Variants in ACYP2 observed in about 807,000 individuals in gnomAD.
ACYP2 encodes acylphosphatase-2.
ACYP2 carries 12 observed loss-of-function variants against 11.2 expected under a neutral mutation model. The observed-to-expected ratio is 1.08, with a 90% CI of 0.69 to 1.74. The LOEUF (loss-of-function observed/expected upper bound fraction) is 1.74, where lower values mean the gene tolerates loss of function less well. ACYP2 is among the 40% of genes most tolerant of loss of function. The pLI is 0.00. For synonymous variants in ACYP2, 43 were observed against 32.2 expected, an observed-to-expected ratio of 1.33 and a Z score of -1.13; for missense variants, 134 against 101.9, an observed-to-expected ratio of 1.31 and a Z score of -1.35.
At chr2:53,997,479 T>C (rs1025844688) in intron 2 of ACYP2, among the ~76,000 whole-genome samples, 2 of 152,100 alleles carry the variant, frequency 1.3e-5, no homozygotes, top group Non-Finnish European at 2.9e-5. Context: ...CTAATTTTTG[T>C]ATTTTTAGTA....
chr2:54,281,786 A>G (rs576605882), intron 6 of ACYP2, among the ~76,000 whole-genome samples: 213 of 152,316 alleles, frequency 1.4e-3, no homozygotes, highest in African/African-American at 5.0e-3. Context: ...AGCAACATAG[A>G]TCCTAGATTA....
intron 6 of ACYP2, among the ~76,000 whole-genome samples, chr2:54,176,181 G>C (rs1412608050): frequency 2.0e-5 from 3 of 152,126 alleles, no homozygotes; most frequent in Admixed American, 2.0e-4. Context: ...CCTAGCATAA[G>C]GACCGTATTT....
At chr2:54,078,660 C>T (rs7600141) in intron 4 of ACYP2, among the ~76,000 whole-genome samples, 55,977 of 150,214 alleles carry the variant, frequency 0.37, 11,210 homozygotes, top group East Asian at 0.68. Flanking sequence ...AGTGCAGTGG[C>T]GCAATTTTGG....
At chr2:54,003,089 C>T (rs1453544951) in intron 2 of ACYP2, among the ~76,000 whole-genome samples, 1 of 152,046 alleles carries the variant, frequency 6.6e-6, no homozygotes, top group Non-Finnish European at 1.5e-5. Context: ...GCTGGGATTA[C>T]AGGCATGCGC....
chr2:54,279,091 A>G (rs1316229733), intron 6 of ACYP2, among the ~76,000 whole-genome samples: 1 of 152,216 alleles, frequency 6.6e-6, no homozygotes, highest in Non-Finnish European at 1.5e-5. Flanking sequence ...AACCACAACA[A>G]AAGTATATTT....
intron 6 of ACYP2, among the ~76,000 whole-genome samples, chr2:54,244,546 A>G (rs1686869376): frequency 6.6e-6 from 1 of 152,200 alleles, no homozygotes; most frequent in South Asian, 2.1e-4. Flanking sequence ...CCTGTGTATC[A>G]TACACCAAAT....
rs376200062 is a variant in ACYP2, at chr2:54,290,104, G to A, written c.405-14584G>A. On this transcript the variant is annotated intron_variant, in intron 6 of 6. Transcript: ENST00000607452. ...AATTGCATCAGGCTGTCAGGGCTTC[G>A]CTTTATGAATTTCCCTTTGAGGACT... is the stretch of plus-strand genomic sequence containing the variant. Among the ~76,000 whole-genome samples, 5 of 152,116 alleles carry A rather than the reference G, an allele frequency of 3.3e-5. No homozygotes were observed. The South Asian group carries it at 8.3e-4, about 25-fold the overall frequency.
At chr2:54,065,353 G>T in intron 4 of ACYP2, 1 of 395,068 alleles carries the variant, frequency 2.5e-6, no homozygotes, top group East Asian at 3.6e-5. Context: ...GATTGCTATC[G>T]ATAATTTAAT....
chr2:54,000,437 C>T (rs572845711), intron 2 of ACYP2, among the ~76,000 whole-genome samples: 2 of 152,280 alleles, frequency 1.3e-5, no homozygotes, highest in African/African-American at 2.4e-5. Context: ...AATTACAAGA[C>T]GTTAAATTTG....
chr2:54,197,144 G>A (rs946399399), intron 6 of ACYP2, among the ~76,000 whole-genome samples: 5 of 152,196 alleles, frequency 3.3e-5, no homozygotes, highest in South Asian at 2.1e-4. Flanking sequence ...TGAGTGGTTC[G>A]TTGGGAGGTG....
At chr2:54,040,843 G>C (rs1558488929) in intron 2 of ACYP2, among the ~76,000 whole-genome samples, 1 of 152,108 alleles carries the variant, frequency 6.6e-6, no homozygotes, top group African/African-American at 2.4e-5. Flanking sequence ...GGGGAATATA[G>C]ACAACCCCTA....
chr2:54,240,925 C>G (rs1036525569), intron 6 of ACYP2, among the ~76,000 whole-genome samples: 1 of 152,144 alleles, frequency 6.6e-6, no homozygotes, highest in African/African-American at 2.4e-5. Flanking sequence ...ACATTTAGGC[C>G]GAGGAGATGA....
intron 4 of ACYP2, among the ~76,000 whole-genome samples, chr2:54,057,998 T>C (rs1676247668): frequency 6.6e-6 from 1 of 152,214 alleles, no homozygotes; most frequent in African/African-American, 2.4e-5. Context: ...TATTCACTTA[T>C]CACACATAGA....
rs1011851567 is a variant in ACYP2, at chr2:53,979,065, A to G, written c.62+5255A>G. On this transcript the variant is annotated intron_variant, in intron 2 of 6. Transcript: ENST00000607452. ...ATTGTACTCCTTCTACTTATTAAAAAAAAAAAGGTAACTGTAAAACAGCCT... is the reference window on the plus strand; with the variant it reads ...ATTGTACTCCTTCTACTTATTAAAAGAAAAAAGGTAACTGTAAAACAGCCT... 1.7e-4 allele frequency among the ~76,000 whole-genome samples: 26 copies of G among 152,178 alleles called. 1 individual carries two copies. Among genetic ancestry groups the G allele is most frequent in the African/African-American group, 5.8e-4 (24 of 41,448 alleles).
chr2:54,098,680 T>G (rs1678724277), intron 4 of ACYP2, among the ~76,000 whole-genome samples: 1 of 151,904 alleles, frequency 6.6e-6, no homozygotes. Context: ...ATTTGGTCAC[T>G]AACCTCTGCT....
intron 6 of ACYP2, among the ~76,000 whole-genome samples, chr2:54,266,252 A>G (rs1688010928): frequency 6.6e-6 from 1 of 152,196 alleles, no homozygotes; most frequent in Admixed American, 6.5e-5. Context: ...ATATGAGTAA[A>G]CAAGATCCAC....
intron 2 of ACYP2, among the ~76,000 whole-genome samples, chr2:54,015,144 A>T (rs1673608833): frequency 6.6e-6 from 1 of 150,780 alleles, no homozygotes; most frequent in Non-Finnish European, 1.5e-5. Context: ...AGGCGGGCAG[A>T]TCACTTGAGG....
At chr2:54,090,036 T>G (rs946110887) in intron 4 of ACYP2, among the ~76,000 whole-genome samples, 1 of 151,300 alleles carries the variant, frequency 6.6e-6, no homozygotes, top group Non-Finnish European at 1.5e-5. Context: ...ATCCCAGTAC[T>G]CAGGAGGCTG....
At chr2:54,234,046 G>A (rs1323291950) in intron 6 of ACYP2, among the ~76,000 whole-genome samples, 1 of 149,520 alleles carries the variant, frequency 6.7e-6, no homozygotes, top group East Asian at 2.0e-4. Flanking sequence ...GGAACAAAAA[G>A]AAGTCAGAAG....
Sources: allele counts gnomAD v4.1 joint callset (sites outside exome capture counted in the v4.1 genomes callset), GRCh38; gene constraint gnomAD v4.1.1; transcripts MANE v1.5; gene names NCBI Gene and HGNC (gene_info 2026-07-23, HGNC 2026-07-21).